The following TPST1 variants were observed in gnomAD, a reference collection of about 807,000 sequenced individuals.
The protein encoded by TPST1 is tyrosylprotein sulfotransferase 1.
TPST1 carries 20 observed loss-of-function variants against 34.8 expected under a neutral mutation model. The ratio of observed to expected loss-of-function variants is 0.57; its 90% CI spans 0.40 to 0.84. The LOEUF (loss-of-function observed/expected upper bound fraction) is 0.84. Ranked by LOEUF, TPST1 falls within the 40% of genes least tolerant of loss-of-function variation. The pLI, the probability that TPST1 is intolerant of heterozygous loss-of-function variation, is 0.00. For missense variants in TPST1, 353 were observed against 455.5 expected, an observed-to-expected ratio of 0.78 and a Z score of 2.05; for synonymous variants, 152 against 159.4, an observed-to-expected ratio of 0.95 and a Z score of 0.35.
chr7:66,241,554 G>A (rs889646661), intron 2 of TPST1, among the ~76,000 whole-genome samples: 1 of 152,036 alleles, frequency 6.6e-6, no homozygotes, highest in Non-Finnish European at 1.5e-5. Flanking sequence ...CCTTACAGGC[G>A]GTGAAAAGCC....
chr7:66,210,153 G>A (rs978702240), intron 1 of TPST1, among the ~76,000 whole-genome samples: 1 of 152,160 alleles, frequency 6.6e-6, no homozygotes, highest in Non-Finnish European at 1.5e-5. Flanking sequence ...AAGGAGAACT[G>A]GTTAGGTGTA....
At chr7:66,252,009 C>T (rs1325528810) in intron 2 of TPST1, among the ~76,000 whole-genome samples, 2 of 152,160 alleles carry the variant, frequency 1.3e-5, no homozygotes, top group Non-Finnish European at 1.5e-5. Flanking sequence ...AAGATATACA[C>T]TTTGGATTAG....
chr7:66,243,196 A>G (rs528058971), intron 2 of TPST1, among the ~76,000 whole-genome samples: 37 of 151,930 alleles, frequency 2.4e-4, no homozygotes, highest in African/African-American at 8.5e-4. Flanking sequence ...TGTTTAACAG[A>G]TACTTTCTAA....
intron 3 of TPST1, among the ~76,000 whole-genome samples, chr7:66,322,385 T>A (rs1290621372): frequency 6.6e-6 from 1 of 152,238 alleles, no homozygotes; most frequent in African/African-American, 2.4e-5. Flanking sequence ...CATTAAACAA[T>A]AACTCTCCAT....
At chr7:66,231,654 C>T (rs1355088158) in intron 1 of TPST1, among the ~76,000 whole-genome samples, 1 of 152,256 alleles carries the variant, frequency 6.6e-6, no homozygotes, top group Non-Finnish European at 1.5e-5. Flanking sequence ...GCCAAGTCCA[C>T]GCCCACCCGG....
intron 2 of TPST1, among the ~76,000 whole-genome samples, chr7:66,278,748 A>C (rs991787416): frequency 1.4e-5 from 2 of 147,154 alleles, no homozygotes; most frequent in African/African-American, 2.4e-5. Flanking sequence ...GCACCACTGC[A>C]CTCCAGCCCA....
rs1472472692 is a variant in TPST1 at position 66,332,092 on chromosome 7, A to C, written c.1045-20413A>C. The stretch of plus-strand genomic sequence containing the variant: ...TAATAATAACAGAAATAAAGTGCAC[A>C]GTAAACGTAATGTGCTTGAATCATC... On this transcript the variant is annotated intron_variant, in intron 3 of 5. Transcript: ENST00000304842. This position sits in a 1 kb window ranked among gnomAD's most constrained non-coding sequence, Gnocchi z 4.5. Among the ~76,000 whole-genome samples, 1 of 152,178 alleles carries C rather than the reference A, an allele frequency of 6.6e-6. No individual in the cohort carries two copies. The highest frequency in any genetic ancestry group is 2.4e-5 in the African/African-American group (1 of 41,446).
intron 3 of TPST1, among the ~76,000 whole-genome samples, chr7:66,340,713 G>C (rs1197654792): frequency 6.6e-6 from 1 of 152,166 alleles, no homozygotes; most frequent in Non-Finnish European, 1.5e-5. Context: ...GATGAAAACT[G>C]TAAAAGACTG....
chr7:66,259,529 A>G lies in TPST1; in HGVS notation c.845+18259A>G, dbSNP rs530232667. Among the ~76,000 whole-genome samples, 326 of 152,084 alleles carry G rather than the reference A, an allele frequency of 2.1e-3. 2 individuals carry two copies. Among genetic ancestry groups the G allele is most frequent in the African/African-American group, 7.7e-3 (318 of 41,492 alleles). On this transcript the variant is annotated intron_variant, in intron 2 of 5. Coordinates refer to ENST00000304842, the MANE Select transcript of TPST1 (RefSeq NM_003596.4). ...CTTTCTCCTTTCCTTCAGGACTCCAATTACACATATATGAGACTGTTGGAA... is the reference window on the plus strand; with the variant it reads ...CTTTCTCCTTTCCTTCAGGACTCCAGTTACACATATATGAGACTGTTGGAA...
chr7:66,304,017 T>G (rs1404466574), intron 3 of TPST1, among the ~76,000 whole-genome samples: 1 of 152,162 alleles, frequency 6.6e-6, no homozygotes, highest in African/African-American at 2.4e-5. Context: ...TGACTATGTA[T>G]CAGTCTGGGC....
At position 66,352,934 on chromosome 7, in the gene TPST1, A is replaced by G. The variant is rs186804773; in HGVS notation, c.1095+379A>G. 149 of 985,430 alleles carry G rather than the reference A, an allele frequency of 1.5e-4. No homozygotes were observed. The Admixed American group carries it at 3.3e-3, about 22-fold the overall frequency. The allele number at this position is 985,430 out of a possible 1,614,324, so 61.0% of individuals were successfully genotyped here. On this transcript the variant is annotated intron_variant, in intron 4 of 5. Coordinates refer to ENST00000304842, the MANE Select transcript of TPST1 (RefSeq NM_003596.4). The stretch of plus-strand genomic sequence containing the variant: ...TCTGTTCCTACTCTGTGTACTGTAC[A>G]TCCTTGCCCCTTTGACTTTTCTCAT...
chr7:66,211,336 A>G (rs1789240300), intron 1 of TPST1, among the ~76,000 whole-genome samples: 2 of 151,892 alleles, frequency 1.3e-5, no homozygotes, highest in South Asian at 2.1e-4. Context: ...GTTTCTCCAT[A>G]TTGAGGCTGG....
At chr7:66,339,895 T>C (rs1206317518) in intron 3 of TPST1, among the ~76,000 whole-genome samples, 1 of 149,622 alleles carries the variant, frequency 6.7e-6, no homozygotes, top group Admixed American at 6.6e-5. Flanking sequence ...CAAGGATGAT[T>C]CAGCATACCC....
At chr7:66,315,510 GA>G (rs1791615097) in intron 3 of TPST1, among the ~76,000 whole-genome samples, 1 of 152,226 alleles carries the variant, frequency 6.6e-6, no homozygotes, top group East Asian at 1.9e-4. Context: ...GCAATCTGGA[GA>G]GCTTGACCTC....
chr7:66,358,327 GTT>G (rs199803598), intron 5 of TPST1, among the ~76,000 whole-genome samples: 1 of 139,028 alleles, frequency 7.2e-6, no homozygotes, highest in East Asian at 2.1e-4. Flanking sequence ...GCTGACCTTT[GTT>G]TTTTTTTTTT....
intron 2 of TPST1, among the ~76,000 whole-genome samples, chr7:66,279,756 G>C (rs948911402): frequency 6.6e-6 from 1 of 152,028 alleles, no homozygotes; most frequent in Non-Finnish European, 1.5e-5. Context: ...AATTCTAGAG[G>C]GCCCAGAGAT....
chr7:66,248,649 G>A (rs1790201541), intron 2 of TPST1, among the ~76,000 whole-genome samples: 1 of 151,716 alleles, frequency 6.6e-6, no homozygotes, highest in Non-Finnish European at 1.5e-5. Context: ...GATTGCAGGT[G>A]CGTGCCACCA....
At chr7:66,254,640 G>A (rs1425341114) in intron 2 of TPST1, among the ~76,000 whole-genome samples, 1 of 152,178 alleles carries the variant, frequency 6.6e-6, no homozygotes, top group Non-Finnish European at 1.5e-5. Flanking sequence ...CTGAACTCAG[G>A]TGATGCACTC....
chr7:66,201,368 A>T (rs1035083412), upstream of TPST1, among the ~76,000 whole-genome samples: 1 of 144,180 alleles, frequency 6.9e-6, no homozygotes, highest in Non-Finnish European at 1.5e-5. Context: ...ACATAGCAAG[A>T]TCCCATCTCT....
Sources: allele counts gnomAD v4.1 joint callset (sites outside exome capture counted in the v4.1 genomes callset), GRCh38; gene constraint gnomAD v4.1.1; non-coding constraint Gnocchi (gnomAD v3.1); transcripts MANE v1.5; gene names NCBI Gene and HGNC (gene_info 2026-07-23, HGNC 2026-07-21).